ACBD3: variants seen among roughly 807,000 people sequenced by gnomAD.
ACBD3 encodes the protein acyl-CoA binding domain containing 3, also known as Golgi resident protein GCP60.
In ACBD3, 30 loss-of-function variants were observed where a neutral mutation model predicts 66.9. The ratio of observed to expected loss-of-function variants is 0.45; its 90% CI spans 0.34 to 0.61. The LOEUF (loss-of-function observed/expected upper bound fraction) is 0.61. Among genes scored for constraint, ACBD3 ranks in the 20% least tolerant of loss-of-function variants. The pLI is 0.02. For missense variants in ACBD3, 544 were observed against 664.5 expected (o/e 0.82, Z 1.99); for synonymous variants, 278 against 259.8 (o/e 1.07, Z -0.68).
At chr1:226,150,619 C>A (rs1014559392) in intron 7 of ACBD3, among the ~76,000 whole-genome samples, 3 of 152,184 alleles carry the variant, frequency 2.0e-5, no homozygotes, top group Non-Finnish European at 2.9e-5. Context: ...CCTTGTGATC[C>A]ACCCACCTCG....
At chr1:226,171,005 C>A (rs1236904331) in intron 1 of ACBD3, among the ~76,000 whole-genome samples, 1 of 152,134 alleles carries the variant, frequency 6.6e-6, no homozygotes, top group Non-Finnish European at 1.5e-5. Context: ...TCTCGAGCTC[C>A]TGGCTTCAAG....
chr1:226,166,417 C>T (rs1233403227), intron 1 of ACBD3, among the ~76,000 whole-genome samples: 1 of 151,734 alleles, frequency 6.6e-6, no homozygotes, highest in East Asian at 1.9e-4. Flanking sequence ...GGATTTGAGC[C>T]AGCATGCCCA....
intron 1 of ACBD3, among the ~76,000 whole-genome samples, chr1:226,178,236 G>T (rs1456784050): frequency 6.6e-6 from 1 of 152,004 alleles, no homozygotes; most frequent in Non-Finnish European, 1.5e-5. Context: ...AGCTCTGAAA[G>T]ATTACAATTA....
rs1421006961 is a variant in ACBD3 at position 226,161,628 on chromosome 1, C to T, written c.631G>A (p.Glu211Lys). ...EEERERLQKE[E>K]EKRRREEEER... ...TCTTCTTCTCTCCTACGTTTCTCTT[C>T]CTCCTTTTGCAGACGTTCTCTTTCT... Residue 211 changes from glutamate to lysine, a missense_variant, in exon 4 of 8, where the codon GAA becomes AAA. Transcript: ENST00000366812. 6.2e-7 allele frequency: 1 copy of T among 1,613,712 alleles called. No homozygotes were observed. The highest frequency in any genetic ancestry group is 2.2e-5 in the East Asian group (1 of 44,872).
At chr1:226,164,199 A>G (rs2102782110) in intron 3 of ACBD3, among the ~76,000 whole-genome samples, 2 of 151,352 alleles carry the variant, frequency 1.3e-5, no homozygotes, top group South Asian at 4.2e-4. Flanking sequence ...ATCACCTAAA[A>G]TTTTAGATAG....
At position 226,149,529 on chromosome 1, in the gene ACBD3, CTTTTTTTTT is replaced by C. The variant is rs1170130229; in HGVS notation, c.1376-2717_1376-2709del. On this transcript the variant is annotated intron_variant, in intron 7 of 7. Transcript: ENST00000366812. ...GGTGTCAGCCACTGCGCCCAGCCATCTTTTTTTTTTTTTTTTTTTTTTTTTTTTTGAGAT... is the reference window on the plus strand; with the variant it reads ...GGTGTCAGCCACTGCGCCCAGCCATCTTTTTTTTTTTTTTTTTTTTGAGAT... Among the ~76,000 whole-genome samples the C allele has an allele frequency of 1.5e-3, 44 of 29,610 alleles. 1 individual carries two copies. The highest frequency in any genetic ancestry group is 1.8e-3 in the Non-Finnish European group (32 of 17,932). 19.4% of individuals were successfully genotyped at this position (29,610 alleles called of 152,430 possible). A position where few individuals can be genotyped will look rare whatever the true frequency, so the allele number is the denominator to read the frequency against.
rs768005432 is a variant in ACBD3, at chr1:226,152,348, G to A, written c.1362C>T (p.Asp454=). The change falls in exon 7 of 8, where the codon GAC becomes GAT. Residue 454 remains aspartate, a synonymous_variant. Transcript: ENST00000366812. ...CAAGGGTTCTACCTTCTTCCTCCTCGTCGTCATCGCTGGACTCACTGACAT... is the reference window on the plus strand; with the variant it reads ...CAAGGGTTCTACCTTCTTCCTCCTCATCGTCATCGCTGGACTCACTGACAT... ...SVHVSESSDD[D]EEEEENIGCE... is the part of the protein sequence containing the mutation. 3.7e-6 allele frequency: 6 copies of A among 1,614,030 alleles called. No individual in the cohort carries two copies. The highest frequency in any genetic ancestry group is 1.7e-5 in the Admixed American group (1 of 60,014).
At chr1:226,179,078 C>T (rs1656116179) in intron 1 of ACBD3, among the ~76,000 whole-genome samples, 1 of 152,192 alleles carries the variant, frequency 6.6e-6, no homozygotes, top group African/African-American at 2.4e-5. Context: ...GTCAATCATA[C>T]TTCAAATTTA....
intron 4 of ACBD3, among the ~76,000 whole-genome samples, chr1:226,160,115 G>A (rs1023176220): frequency 1.2e-4 from 17 of 143,476 alleles, no homozygotes; most frequent in African/African-American, 3.6e-4. Context: ...TTTTTGAGAC[G>A]GAGTTTCACT....
intron 5 of ACBD3, among the ~76,000 whole-genome samples, chr1:226,156,546 C>T (rs1349434244): frequency 1.3e-5 from 2 of 151,956 alleles, no homozygotes; most frequent in Admixed American, 6.6e-5. Flanking sequence ...ACGGAAAAAG[C>T]CTTTATGATC....
At chr1:226,165,746 T>C in intron 2 of ACBD3, 113 bp downstream of exon 2, 3 of 1,256,858 alleles carry the variant, frequency 2.4e-6, no homozygotes, top group Non-Finnish European at 3.2e-6. Flanking sequence ...AGCAAAAATG[T>C]TCAGTTCTTA....
At chr1:226,180,869 T>TGTGGTGGTGG (rs1419283024) in intron 1 of ACBD3, among the ~76,000 whole-genome samples, 1 of 151,826 alleles carries the variant, frequency 6.6e-6, no homozygotes. Flanking sequence ...CGTAGTGGCA[T>TGTGGTGGTGG]GTGCCTGTAA....
chr1:226,178,745 G>A (rs1576241790), intron 1 of ACBD3, among the ~76,000 whole-genome samples: 1 of 152,226 alleles, frequency 6.6e-6, no homozygotes, highest in Middle Eastern at 3.4e-3. Context: ...GGCGTGGAAA[G>A]GATGTTAAAG....
intron 3 of ACBD3, among the ~76,000 whole-genome samples, chr1:226,163,992 C>T (rs1055005247): frequency 1.6e-4 from 24 of 151,624 alleles, no homozygotes; most frequent in African/African-American, 5.1e-4. Flanking sequence ...TGGTGGCAGG[C>T]ACCTGTAATC....
chr1:226,185,663 A>T lies in ACBD3; in HGVS notation c.286+727T>A, dbSNP rs79818206. Among the ~76,000 whole-genome samples, 1,493 of 152,266 alleles carry T rather than the reference A, an allele frequency of 9.8e-3. 10 individuals are homozygous for T. Among genetic ancestry groups the T allele is most frequent in the South Asian group, 0.036 (175 of 4,826 alleles). On this transcript the variant is annotated intron_variant, in intron 1 of 7. Transcript: ENST00000366812. Reference sequence around the variant, plus strand: ...CACACTACAATCTTGCTCTAAGACAAGAGACATTTAACAATTAATTATGCG... The same window carrying T: ...CACACTACAATCTTGCTCTAAGACATGAGACATTTAACAATTAATTATGCG...
chr1:226,172,172 AGG>A lies in ACBD3; in HGVS notation c.287-6174_287-6173del, dbSNP rs748571695. Among the ~76,000 whole-genome samples the A allele has an allele frequency of 3.6e-3, 492 of 138,038 alleles. 1 individual carries two copies. The highest frequency in any genetic ancestry group is 8.6e-3 in the South Asian group (36 of 4,168). The allele number at this position is 138,038 out of a possible 152,430, so 90.6% of individuals were successfully genotyped here. On this transcript the variant is annotated intron_variant, in intron 1 of 7. Transcript: ENST00000366812. ...CTCCATCTCAAAAAAAAAAAAAAAG[AGG>A]AATACATTTTCAGTGCTAGTCCTGG...
Position 226,152,573 on chromosome 1 carries a change from C to A in ACBD3, c.1137G>T (p.Gln379His), listed in dbSNP as rs1356428937. ...GAATCTTCTCTTTGAAGTCTTTGATCTGAGGTCGTGTCCACATGGATGGAG... is the reference window on the plus strand; with the variant it reads ...GAATCTTCTCTTTGAAGTCTTTGATATGAGGTCGTGTCCACATGGATGGAG... ...IAAPSMWTRP[Q>H]IKDFKEKIQQ... The change falls in exon 7 of 8, where the codon CAG (glutamine) becomes CAT (histidine). Residue 379 changes from glutamine to histidine, a missense_variant. Transcript: ENST00000366812. The A allele has an allele frequency of 6.2e-7, 1 of 1,614,180 alleles. No homozygotes were observed. Among genetic ancestry groups the A allele is most frequent in the Admixed American group, 1.7e-5 (1 of 60,020 alleles).
intron 7 of ACBD3, among the ~76,000 whole-genome samples, chr1:226,150,772 T>C (rs1659558034): frequency 6.6e-6 from 1 of 152,198 alleles, no homozygotes; most frequent in Admixed American, 6.5e-5. Context: ...GAATAAAGAC[T>C]GATGAAAACA....
intron 1 of ACBD3, among the ~76,000 whole-genome samples, chr1:226,181,839 AG>A (rs1389087608): frequency 1.3e-5 from 2 of 152,218 alleles, no homozygotes; most frequent in Non-Finnish European, 2.9e-5. Flanking sequence ...ACTCCATCCA[AG>A]AAGTATAAAG....
Sources: allele counts gnomAD v4.1 joint callset (sites outside exome capture counted in the v4.1 genomes callset), GRCh38; gene constraint gnomAD v4.1.1; transcripts MANE v1.5; gene names NCBI Gene and HGNC (gene_info 2026-07-23, HGNC 2026-07-21).